DSG4: variants seen among roughly 807,000 people sequenced by gnomAD.
DSG4 encodes the protein desmoglein-4.
Under a neutral mutation model 93.1 loss-of-function variants are expected in DSG4, and 87 were observed. The observed-to-expected ratio is 0.93, with a 90% CI of 0.79 to 1.12. DSG4 has a LOEUF of 1.12. DSG4 is among the 50% of genes most tolerant of loss of function. The pLI is 0.00. For synonymous variants in DSG4, 432 were observed against 452.9 expected (o/e 0.95, Z 0.59); for missense variants, 1,373 against 1,285.7 (o/e 1.07, Z -1.04).
At chr18:31,384,786 TC>T (rs2072170072) in intron 1 of DSG4, among the ~76,000 whole-genome samples, 1 of 152,118 alleles carries the variant, frequency 6.6e-6, no homozygotes, top group East Asian at 1.9e-4. Flanking sequence ...CCTCATCAAT[TC>T]CTCTTATCAA....
chr18:31,404,792 T>C (rs1219248959), intron 11 of DSG4, among the ~76,000 whole-genome samples: 2 of 152,216 alleles, frequency 1.3e-5, no homozygotes, highest in African/African-American at 4.8e-5. Context: ...CACCATCTCC[T>C]ATAAAGCTCA....
chr18:31,391,462 A>G (rs1480504377), intron 7 of DSG4, among the ~76,000 whole-genome samples: 2 of 152,192 alleles, frequency 1.3e-5, no homozygotes, highest in East Asian at 1.9e-4. Flanking sequence ...TGTATACTCT[A>G]TTCACAGAAA....
At chr18:31,399,020 A>C (rs1246164812) in intron 8 of DSG4, among the ~76,000 whole-genome samples, 2 of 152,140 alleles carry the variant, frequency 1.3e-5, no homozygotes, top group Admixed American at 6.6e-5. Flanking sequence ...AAAGTCCAAA[A>C]CTCCAAAATT....
intron 7 of DSG4, 76 bp from the exon 8 acceptor site, chr18:31,392,079 A>C: frequency 7.2e-7 from 1 of 1,390,910 alleles, no homozygotes; most frequent in Non-Finnish European, 1.0e-6. Flanking sequence ...TAGTATTTTA[A>C]ATAATAATAA....
At chr18:31,383,848 T>A (rs1053237622) in intron 1 of DSG4, among the ~76,000 whole-genome samples, 1 of 152,168 alleles carries the variant, frequency 6.6e-6, no homozygotes, top group Non-Finnish European at 1.5e-5. Flanking sequence ...AGAGAGTTAA[T>A]TTCAAGGCAC....
chr18:31,394,596 A>G (rs1388850660), intron 8 of DSG4, among the ~76,000 whole-genome samples: 1 of 152,168 alleles, frequency 6.6e-6, no homozygotes, highest in East Asian at 1.9e-4. Context: ...AACTCTGAAA[A>G]GACCACAGTT....
chr18:31,408,763 G>A (rs957840953), intron 12 of DSG4, among the ~76,000 whole-genome samples: 1 of 152,128 alleles, frequency 6.6e-6, no homozygotes, highest in South Asian at 2.1e-4. Flanking sequence ...AAAGCAACCA[G>A]AGTGGGCCCA....
chr18:31,386,616 A>AT, intron 2 of DSG4, 72 bp from the exon 3 acceptor site: 19 of 1,594,588 alleles, frequency 1.2e-5, no homozygotes, highest in Non-Finnish European at 1.6e-5. Context: ...GCACCTTACA[A>AT]TATTAAATAA....
chr18:31,409,861 A>G (rs957475620), intron 14 of DSG4, 53 bp downstream of exon 14: 2 of 1,583,858 alleles, frequency 1.3e-6, no homozygotes, highest in Non-Finnish European at 8.7e-7. Flanking sequence ...AAATTATTCA[A>G]CCAGACCAAC....
rs1214559856 is a variant in DSG4, at chr18:31,385,107, T to A, written c.49-29T>A. ...GCTTCCTCTAAATTATGCAAATTTA[T>A]GCTAATGTGGTATCTTCTATCAAAA... is the stretch of plus-strand genomic sequence containing the variant. On this transcript the variant is annotated intron_variant, in intron 1 of 15. Transcript: ENST00000308128. 1.0e-5 allele frequency: 16 copies of A among 1,591,468 alleles called. No individual in the cohort carries two copies. The South Asian group carries it at 1.5e-4, about 15-fold the overall frequency.
intron 9 of DSG4, 58 bp from the exon 10 acceptor site, chr18:31,400,823 A>C: frequency 6.3e-7 from 1 of 1,574,978 alleles, no homozygotes. Context: ...CTGTTACATG[A>C]TTTAAAAGTA....
At chr18:31,388,322 T>G (rs2072210254) in intron 3 of DSG4, 45 bp from the exon 4 acceptor site, 1 of 1,607,806 alleles carries the variant, frequency 6.2e-7, no homozygotes, top group African/African-American at 1.3e-5. Flanking sequence ...TCTTAAGCAT[T>G]ATCTGCTCTA....
At chr18:31,410,629 A>G (rs1302719216) in intron 14 of DSG4, among the ~76,000 whole-genome samples, 1 of 152,088 alleles carries the variant, frequency 6.6e-6, no homozygotes, top group Non-Finnish European at 1.5e-5. Context: ...AAACTCTCCT[A>G]TCTTACCAGC....
In DSG4 at chr18:31,382,757, A is replaced by G. The variant is rs148699607; in HGVS notation, c.49-2379A>G. 4.7e-4 allele frequency among the ~76,000 whole-genome samples: 72 copies of G among 152,258 alleles called. No individual in the cohort carries two copies. In the East Asian group the frequency reaches 7.7e-3, roughly 16 times the overall value. On this transcript the variant is annotated intron_variant, in intron 1 of 15. Transcript: ENST00000308128. Reference sequence around the variant, plus strand: ...TTAGAGCCAGCTGAGCAGGGAGCAGAAATACCACAAATATACTATGGAAGC... The same window carrying G: ...TTAGAGCCAGCTGAGCAGGGAGCAGGAATACCACAAATATACTATGGAAGC...
chr18:31,380,904 A>G (rs1210918971), intron 1 of DSG4, among the ~76,000 whole-genome samples: 1 of 152,178 alleles, frequency 6.6e-6, no homozygotes, highest in East Asian at 1.9e-4. Flanking sequence ...TACATATCTT[A>G]TATAAAATCA....
In DSG4 at chr18:31,376,894, C is replaced by A. The variant is rs770497735; in HGVS notation, c.-18C>A. ...AATTGAATCTCACAGGATTTGCGTG[C>A]AAGAGAAACCCAAAGGAATGGATTG... On this transcript the variant is annotated 5_prime_UTR_variant, in exon 1 of 16. Coordinates refer to ENST00000308128, the MANE Select transcript of DSG4 (RefSeq NM_177986.5). The A allele has an allele frequency of 1.9e-6, 3 of 1,613,500 alleles. No homozygotes were observed. Among genetic ancestry groups the A allele is most frequent in the Admixed American group, 3.3e-5 (2 of 59,938 alleles).
intron 12 of DSG4, 150 bp downstream of exon 12, chr18:31,406,523 A>T: frequency 1.2e-6 from 1 of 851,338 alleles, no homozygotes; most frequent in Non-Finnish European, 1.9e-6. Flanking sequence ...GGGACTGACA[A>T]ATATATGCGC....
At position 31,414,547 on chromosome 18, in the gene DSG4, G is replaced by A. The variant is rs1555662817; in HGVS notation, c.*952G>A. 1 of 152,186 alleles carries A rather than the reference G, an allele frequency of 6.6e-6. No homozygotes were observed. Among genetic ancestry groups the A allele is most frequent in the Non-Finnish European group, 1.5e-5 (1 of 68,044 alleles). The allele number at this position is 152,186 out of a possible 1,614,324, so 9.4% of individuals were successfully genotyped here. ...GGTGTTGGGTGCTAGTCTTGGCTCT[G>A]TGAATATACAGGTAAAGAAGACAGA... is the stretch of plus-strand genomic sequence containing the variant. On this transcript the variant is annotated 3_prime_UTR_variant, in exon 16 of 16. Transcript: ENST00000308128.
At position 31,406,095 on chromosome 18, in the gene DSG4, C is replaced by G. The variant is rs200288878; in HGVS notation, c.1655C>G (p.Thr552Arg). The change falls in exon 12 of 16, where the codon ACG becomes AGG. Residue 552 changes from threonine (T) to arginine (R), a missense_variant. By Grantham distance (71) the Thr-to-Arg change is moderately conservative. Coordinates refer to ENST00000308128, the MANE Select transcript of DSG4 (RefSeq NM_177986.5). ...ATTTCAGCTACCTCGGCAATCCTTACGGCTAAGCAGGTTTTATCTCCAGGA... is the reference window on the plus strand; with the variant it reads ...ATTTCAGCTACCTCGGCAATCCTTAGGGCTAAGCAGGTTTTATCTCCAGGA... ...RSTNATSAILTAKQVLSPGFY... is the reference protein window; with the variant it reads ...RSTNATSAILRAKQVLSPGFY... The G allele has an allele frequency of 1.2e-6, 2 of 1,613,928 alleles. No individual in the cohort carries two copies. Among genetic ancestry groups the G allele is most frequent in the Non-Finnish European group, 1.7e-6 (2 of 1,179,906 alleles).
Sources: gnomAD v4.1 joint callset for allele counts (sites outside exome capture counted in the v4.1 genomes callset) on GRCh38, gnomAD v4.1.1 for gene constraint, MANE v1.5 for transcripts, NCBI Gene and HGNC (gene_info 2026-07-23, HGNC 2026-07-21) for gene names.